Variants in CNKSR3 observed in about 807,000 individuals in gnomAD.
CNKSR3 encodes CNKSR family member 3, also known as connector enhancer of kinase suppressor of ras 3.
Under a neutral mutation model 67.7 loss-of-function variants are expected in CNKSR3, and 36 were observed. The observed-to-expected ratio is 0.53, with a 90% CI of 0.41 to 0.70. CNKSR3 has a LOEUF of 0.70. Ranked by LOEUF, CNKSR3 falls within the 30% of genes least tolerant of loss-of-function variation. The pLI, the probability that CNKSR3 is intolerant of heterozygous loss-of-function variation, is 0.00. For synonymous variants in CNKSR3, 281 were observed against 271.4 expected (o/e 1.04, Z -0.35); for missense variants, 630 against 695.2 (o/e 0.91, Z 1.05).
intron 1 of CNKSR3, among the ~76,000 whole-genome samples, chr6:154,476,146 G>C (rs753451305): frequency 1.1e-4 from 16 of 152,052 alleles, no homozygotes; most frequent in Non-Finnish European, 2.2e-4. Context: ...ACATTCGCTT[G>C]ACTTAAGGCC....
chr6:154,415,097 C>CAAAAAAA (rs1157415390), intron 9 of CNKSR3, among the ~76,000 whole-genome samples: 15 of 33,226 alleles, frequency 4.5e-4, no homozygotes, highest in African/African-American at 7.7e-4. Flanking sequence ...GACTCTGTCT[C>CAAAAAAA]AAAAAAAAAA....
chr6:154,495,864 T>C (rs1786867301), intron 1 of CNKSR3, among the ~76,000 whole-genome samples: 3 of 151,940 alleles, frequency 2.0e-5, no homozygotes, highest in African/African-American at 7.3e-5. Flanking sequence ...TTCAGGCCCT[T>C]TCAACTCTCA....
intron 1 of CNKSR3, among the ~76,000 whole-genome samples, chr6:154,470,591 A>G (rs1156294768): frequency 6.6e-6 from 1 of 152,196 alleles, no homozygotes; most frequent in Non-Finnish European, 1.5e-5. Flanking sequence ...ATCAAGGTTT[A>G]TCTATGTTGC....
At chr6:154,415,097 CAAAAAAAAAAA>C (rs1157415390) in intron 9 of CNKSR3, among the ~76,000 whole-genome samples, 3 of 33,242 alleles carry the variant, frequency 9.0e-5, no homozygotes, top group Admixed American at 6.2e-4. Flanking sequence ...GACTCTGTCT[CAAAAAAAAAAA>C]AAAAAAAAAA....
chr6:154,509,450 C>T (rs1409609642), intron 1 of CNKSR3, among the ~76,000 whole-genome samples: 1 of 152,192 alleles, frequency 6.6e-6, no homozygotes, highest in Non-Finnish European at 1.5e-5. Context: ...ACTGGCGCCT[C>T]CCGGAGCAAA....
At chr6:154,448,249 G>C (rs1014920908) in intron 2 of CNKSR3, among the ~76,000 whole-genome samples, 1 of 151,976 alleles carries the variant, frequency 6.6e-6, no homozygotes, top group African/African-American at 2.4e-5. Flanking sequence ...CATCCCACTT[G>C]ATGCATGTGA....
chr6:154,398,380 T>C lies in CNKSR3; in HGVS notation c.*7974A>G, dbSNP rs148734552. ...ATTGTTATGCTGAGCCGAACAACCA[T>C]TTTTTACTTCCCTTTGTCTCTCCCA... On this transcript the variant is annotated 3_prime_UTR_variant, in exon 13 of 13. Transcript: ENST00000607772. The C allele has an allele frequency of 3.3e-5, 5 of 152,326 alleles. No homozygotes were observed. The highest frequency in any genetic ancestry group is 3.3e-4 in the Admixed American group (5 of 15,304). 9.4% of individuals were successfully genotyped at this position (152,326 alleles called of 1,614,324 possible).
chr6:154,477,976 G>A (rs1304643551), intron 1 of CNKSR3, among the ~76,000 whole-genome samples: 1 of 152,208 alleles, frequency 6.6e-6, no homozygotes, highest in Non-Finnish European at 1.5e-5. Context: ...CTCTGCTGGG[G>A]CTTCCGTCCT....
chr6:154,418,728 G>A (rs1457630132), intron 9 of CNKSR3, among the ~76,000 whole-genome samples: 1 of 152,188 alleles, frequency 6.6e-6, no homozygotes, highest in Non-Finnish European at 1.5e-5. Context: ...AACAGCTGGA[G>A]TATAATCAAT....
chr6:154,475,036 G>C (rs1274658708), intron 1 of CNKSR3, among the ~76,000 whole-genome samples: 1 of 152,182 alleles, frequency 6.6e-6, no homozygotes, highest in Non-Finnish European at 1.5e-5. Flanking sequence ...TTAAATCTAA[G>C]TCTTGTTTTT....
At chr6:154,432,244 T>C (rs1326287100) in intron 5 of CNKSR3, among the ~76,000 whole-genome samples, 1 of 152,236 alleles carries the variant, frequency 6.6e-6, no homozygotes, top group African/African-American at 2.4e-5. Context: ...TAATTTACAA[T>C]TCCCTAATAC....
At chr6:154,448,297 G>A (rs567666573) in intron 2 of CNKSR3, among the ~76,000 whole-genome samples, 2 of 151,674 alleles carry the variant, frequency 1.3e-5, no homozygotes, top group Admixed American at 1.3e-4. Flanking sequence ...CTCTTACTTT[G>A]GATTTCCAAG....
At chr6:154,496,041 CA>C (rs1231856806) in intron 1 of CNKSR3, among the ~76,000 whole-genome samples, 1 of 152,166 alleles carries the variant, frequency 6.6e-6, no homozygotes, top group Non-Finnish European at 1.5e-5. Context: ...CAGACCACCC[CA>C]AAAGACTTAC....
chr6:154,503,133 A>C (rs765666887), intron 1 of CNKSR3, among the ~76,000 whole-genome samples: 5 of 152,132 alleles, frequency 3.3e-5, no homozygotes, highest in Non-Finnish European at 5.9e-5. Context: ...CATCAACAAT[A>C]AAATCTCCAC....
At chr6:154,485,279 C>G (rs1786645447) in intron 1 of CNKSR3, among the ~76,000 whole-genome samples, 1 of 152,100 alleles carries the variant, frequency 6.6e-6, no homozygotes, top group African/African-American at 2.4e-5. Flanking sequence ...AAAAATTAGA[C>G]AAATATTAAC....
chr6:154,394,724 C>A lies in CNKSR3; in HGVS notation c.*11630G>T, dbSNP rs1313249741. The A allele has an allele frequency of 6.7e-6, 1 of 150,078 alleles. No individual in the cohort carries two copies. The highest frequency in any genetic ancestry group is 1.5e-5 in the Non-Finnish European group (1 of 67,562). 9.3% of individuals were successfully genotyped at this position (150,078 alleles called of 1,614,324 possible). Reference sequence around the variant, plus strand: ...ACAAAGAAACAACAGAAAGGCCCAACAAAGGGACCACTGTTCTTTCCTGAA... The same window carrying A: ...ACAAAGAAACAACAGAAAGGCCCAAAAAAGGGACCACTGTTCTTTCCTGAA... On this transcript the variant is annotated 3_prime_UTR_variant, in exon 13 of 13. Coordinates refer to ENST00000607772, the MANE Select transcript of CNKSR3 (RefSeq NM_173515.4).
intron 1 of CNKSR3, among the ~76,000 whole-genome samples, chr6:154,468,792 A>G (rs905386958): frequency 1.3e-5 from 2 of 152,246 alleles, no homozygotes; most frequent in Non-Finnish European, 2.9e-5. Flanking sequence ...CTTAAGAACC[A>G]GCTTGACTTC....
intron 1 of CNKSR3, among the ~76,000 whole-genome samples, chr6:154,506,410 T>C (rs1298827147): frequency 6.6e-6 from 1 of 152,170 alleles, no homozygotes; most frequent in Non-Finnish European, 1.5e-5. Flanking sequence ...CCCTGCTGCA[T>C]GAGGTGGCCA....
rs1269324097 is a variant in CNKSR3, at chr6:154,389,749, T to C, written c.*16605A>G. 6.6e-6 allele frequency: 1 copy of C among 152,166 alleles called. No individual in the cohort carries two copies. Among genetic ancestry groups the C allele is most frequent in the Non-Finnish European group, 1.5e-5 (1 of 68,044 alleles). 9.4% of individuals were successfully genotyped at this position (152,166 alleles called of 1,614,324 possible). ...AAAAATCAGTTGCGATTTCTATACA[T>C]TAACACAGAACTATCTAAAAAGGAA... On this transcript the variant is annotated 3_prime_UTR_variant, in exon 13 of 13. Transcript: ENST00000607772.
Sources: allele counts gnomAD v4.1 joint callset (sites outside exome capture counted in the v4.1 genomes callset), GRCh38; gene constraint gnomAD v4.1.1; transcripts MANE v1.5; gene names NCBI Gene and HGNC (gene_info 2026-07-23, HGNC 2026-07-21).